LONP2: variants seen among roughly 807,000 people sequenced by gnomAD.
The protein encoded by LONP2 is lon protease homolog 2, peroxisomal.
In LONP2, 60 loss-of-function variants were observed where a neutral mutation model predicts 85.6. That is an observed-to-expected ratio of 0.70 (90% CI 0.57 to 0.87). The LOEUF (loss-of-function observed/expected upper bound fraction) is 0.87. LONP2 is among the 40% of genes least tolerant of loss of function. The pLI, the probability that LONP2 is intolerant of heterozygous loss-of-function variation, is 0.00. For synonymous variants in LONP2, 395 were observed against 389.7 expected (o/e 1.01, Z -0.16); for missense variants, 860 against 1,063.5 (o/e 0.81, Z 2.66).
intron 10 of LONP2, among the ~76,000 whole-genome samples, chr16:48,301,938 C>A (rs1972814448): frequency 6.6e-6 from 1 of 152,172 alleles, no homozygotes; most frequent in African/African-American, 2.4e-5. Context: ...CCTGATTAGT[C>A]TTCTTCTGAA....
Position 48,252,156 on chromosome 16 carries a change from C to G in LONP2, c.259C>G (p.Gln87Glu). The change falls in exon 2 of 15, where the codon CAG (glutamine) becomes GAG (glutamate). Residue 87 changes from glutamine (Q) to glutamate (E), a missense_variant. Gln to Glu is a conservative substitution (Grantham distance 29). Around this residue, in one of 3 missense-constraint regions of LONP2, gnomAD observed 743 missense variants for 917.3 expected, o/e 0.81. Coordinates refer to ENST00000285737, the MANE Select transcript of LONP2 (RefSeq NM_031490.5). Reference sequence around the variant, plus strand: ...GATTGGCACAGCTGCACTGGCCGTTCAGGTTGTGGGCAGTAACTGGCCCAA... The same window carrying G: ...GATTGGCACAGCTGCACTGGCCGTTGAGGTTGTGGGCAGTAACTGGCCCAA... ...HRIGTAALAVQVVGSNWPKPH... is the reference protein window; with the variant it reads ...HRIGTAALAVEVVGSNWPKPH... The G allele has an allele frequency of 6.2e-7, 1 of 1,600,098 alleles. No homozygotes were observed. The highest frequency in any genetic ancestry group is 8.5e-7 in the Non-Finnish European group (1 of 1,170,880).
At chr16:48,256,861 G>T in intron 3 of LONP2, 120 bp downstream of exon 3, 1 of 872,244 alleles carries the variant, frequency 1.1e-6, no homozygotes, top group Admixed American at 2.7e-5. Context: ...TAATTGAAAT[G>T]CTTTTACATT....
In LONP2 at chr16:48,244,604, CCT is replaced by C; in HGVS notation, c.217_218del (p.Leu73AlafsTer19). On this transcript the variant is annotated frameshift_variant, in exon 1 of 15. Coordinates refer to ENST00000285737, the MANE Select transcript of LONP2 (RefSeq NM_031490.5). LOFTEE classifies it high-confidence loss of function. ...CTGACCCCGCCAGCGACGCGCAGGA[CCT>C]GCCGCCGCTGCACAGGTAGGCCTGG... ...TPDPASDAQD[L>X]PPLHRIGTAA... 1 of 1,480,054 alleles carries C rather than the reference CCT, an allele frequency of 6.8e-7. No homozygotes were observed. Among genetic ancestry groups the C allele is most frequent in the Non-Finnish European group, 8.9e-7 (1 of 1,118,412 alleles). 91.7% of individuals were successfully genotyped at this position (1,480,054 alleles called of 1,614,324 possible).
chr16:48,276,985 A>T (rs1041458369), intron 7 of LONP2, among the ~76,000 whole-genome samples: 1 of 152,152 alleles, frequency 6.6e-6, no homozygotes, highest in Non-Finnish European at 1.5e-5. Context: ...CAGAAAAATC[A>T]TGGAAAGCAT....
chr16:48,290,735 TC>T (rs1466694460), intron 8 of LONP2, among the ~76,000 whole-genome samples: 2 of 152,176 alleles, frequency 1.3e-5, no homozygotes, highest in Admixed American at 1.3e-4. Context: ...CCTGGAAGCT[TC>T]CTGACCTCAG....
intron 8 of LONP2, among the ~76,000 whole-genome samples, chr16:48,279,339 T>C (rs1046709355): frequency 6.6e-6 from 1 of 152,152 alleles, no homozygotes; most frequent in African/African-American, 2.4e-5. Context: ...TAGAGTCAGC[T>C]GGCTGTGCTG....
chr16:48,347,789 C>T (rs1348405164), intron 13 of LONP2, 75 bp downstream of exon 13: 13 of 1,357,812 alleles, frequency 9.6e-6, no homozygotes, highest in African/African-American at 1.4e-5. Flanking sequence ...GGCATGAGCT[C>T]GAGACTGCCA....
At chr16:48,359,631 G>A (rs1297686716), downstream of LONP2, among the ~76,000 whole-genome samples, 1 of 151,798 alleles carries the variant, frequency 6.6e-6, no homozygotes, top group Admixed American at 6.6e-5. Flanking sequence ...AAGGAGAATC[G>A]CTTAAACCCA....
In LONP2 at chr16:48,296,679, C is replaced by T. The variant is rs149219621; in HGVS notation, c.1534+514C>T. Among the ~76,000 whole-genome samples, 1,012 of 148,624 alleles carry T rather than the reference C, an allele frequency of 6.8e-3. 11 individuals carry two copies. The highest frequency in any genetic ancestry group is 0.023 in the African/African-American group (922 of 40,204). On this transcript the variant is annotated intron_variant, in intron 9 of 14. Transcript: ENST00000285737. ...GAAGGGGAGGTTGCAGTGAGCCTCA[C>T]GCCACTGCACTCCAGCCTGGGTGAC...
chr16:48,259,485 A>G (rs755635960), intron 4 of LONP2, among the ~76,000 whole-genome samples: 5 of 152,188 alleles, frequency 3.3e-5, no homozygotes, highest in Non-Finnish European at 5.9e-5. Context: ...TTAGGAAGAT[A>G]TATTTGATGT....
intron 9 of LONP2, among the ~76,000 whole-genome samples, chr16:48,296,817 A>AGAT (rs1180750879): frequency 6.6e-6 from 1 of 151,984 alleles, no homozygotes; most frequent in African/African-American, 2.4e-5. Flanking sequence ...TTCCTCTTGA[A>AGAT]TCTGTCAAAT....
chr16:48,351,579 AG>A lies in LONP2; in HGVS notation c.2338del. On this transcript the variant is annotated splice_acceptor_variant, in intron 14 of 14. Coordinates refer to ENST00000285737, the MANE Select transcript of LONP2 (RefSeq NM_031490.5). LOFTEE classifies it high-confidence loss of function. Reference sequence around the variant, plus strand: ...CCTAAAAACTTTTTTCTCTCCTTACAGGTGGGTGGAATTAAAGACAAAGTGC... The same window carrying A: ...CCTAAAAACTTTTTTCTCTCCTTACAGTGGGTGGAATTAAAGACAAAGTGC... 6.2e-7 allele frequency: 1 copy of A among 1,613,460 alleles called. No homozygotes were observed. The highest frequency in any genetic ancestry group is 8.5e-7 in the Non-Finnish European group (1 of 1,179,590).
rs749055008 is a variant in LONP2, at chr16:48,347,703, A to G, written c.2135A>G (p.Gln712Arg). ...CTCCGCAGCAACGCAAAGAAGTACC[A>G]GCTGACCAATGGTAGGAGCCTGCAC... ...SWLRSNAKKY[Q>R]LTNAFGSFDL... The change falls in exon 13 of 15, where the codon CAG (glutamine) becomes CGG (arginine). Residue 712 changes from glutamine (Q) to arginine (R), a missense_variant. Around this residue, in one of 3 missense-constraint regions of LONP2, gnomAD observed 743 missense variants for 917.3 expected, o/e 0.81. Coordinates refer to ENST00000285737, the MANE Select transcript of LONP2 (RefSeq NM_031490.5). 1 of 1,613,244 alleles carries G rather than the reference A, an allele frequency of 6.2e-7. No individual in the cohort carries two copies. Among genetic ancestry groups the G allele is most frequent in the Non-Finnish European group, 8.5e-7 (1 of 1,179,834 alleles).
At chr16:48,267,607 CTT>C (rs1359385253) in intron 6 of LONP2, among the ~76,000 whole-genome samples, 2 of 151,504 alleles carry the variant, frequency 1.3e-5, no homozygotes, top group Non-Finnish European at 2.9e-5. Context: ...GCCTAAATAT[CTT>C]TGTTTGTTTG....
intron 14 of LONP2, among the ~76,000 whole-genome samples, chr16:48,350,894 CTGCT>C (rs1331855331): frequency 1.3e-5 from 2 of 152,176 alleles, no homozygotes; most frequent in African/African-American, 4.8e-5. Context: ...TGCCCATAGG[CTGCT>C]TGAGTGACCT....
Position 48,351,886 on chromosome 16 carries a change from G to A in LONP2, c.*84G>A. 2 of 1,035,674 alleles carry A rather than the reference G, an allele frequency of 1.9e-6. No individual in the cohort carries two copies. Among genetic ancestry groups the A allele is most frequent in the Admixed American group, 2.2e-5 (1 of 46,144 alleles). 64.2% of individuals were successfully genotyped at this position (1,035,674 alleles called of 1,614,324 possible). A position where few individuals can be genotyped will look rare whatever the true frequency, so the allele number is the denominator to read the frequency against. ...GTTGATTTTATTCACACCATTAGGG[G>A]TATGCAAGATGTCCCTGTTTTATAA... On this transcript the variant is annotated 3_prime_UTR_variant, in exon 15 of 15. Transcript: ENST00000285737.
Position 48,354,453 on chromosome 16 carries a change from GC to G in LONP2, c.*2653del, listed in dbSNP as rs1427378878. On this transcript the variant is annotated 3_prime_UTR_variant, in exon 15 of 15. Coordinates refer to ENST00000285737, the MANE Select transcript of LONP2 (RefSeq NM_031490.5). ...CAAACTCCCAACCTCAAATGATCCG[GC>G]CACCTTGGCCTCCCAAAATGCTGGC... 2 of 151,682 alleles carry G rather than the reference GC, an allele frequency of 1.3e-5. No homozygotes were observed. Among genetic ancestry groups the G allele is most frequent in the Non-Finnish European group, 2.9e-5 (2 of 67,958 alleles). 9.4% of individuals were successfully genotyped at this position (151,682 alleles called of 1,614,324 possible).
intron 6 of LONP2, among the ~76,000 whole-genome samples, chr16:48,266,472 C>G (rs1207755754): frequency 6.6e-6 from 1 of 152,010 alleles, no homozygotes; most frequent in African/African-American, 2.4e-5. Flanking sequence ...TAACCCTCAC[C>G]TCCAAAAGTT....
At chr16:48,248,287 ATTT>A (rs111725492) in intron 1 of LONP2, among the ~76,000 whole-genome samples, 16 of 116,532 alleles carry the variant, frequency 1.4e-4, no homozygotes, top group East Asian at 2.4e-4. Context: ...ATGCCTAGCT[ATTT>A]TTTTTTTTTT....
Sources: gnomAD v4.1 joint callset for allele counts (sites outside exome capture counted in the v4.1 genomes callset) on GRCh38, gnomAD v4.1.1 for gene constraint, gnomAD v4.1.1 regional missense constraint, MANE v1.5 for transcripts, NCBI Gene and HGNC (gene_info 2026-07-23, HGNC 2026-07-21) for gene names.